The following USP10 variants were observed in gnomAD, a reference collection of about 807,000 sequenced individuals.
USP10 encodes ubiquitin carboxyl-terminal hydrolase 10.
In USP10, 22 loss-of-function variants were observed where a neutral mutation model predicts 84.5. The observed-to-expected ratio is 0.26, with a 90% confidence interval of 0.19 to 0.37. The LOEUF (loss-of-function observed/expected upper bound fraction) is 0.37. USP10 is among the 10% of genes least tolerant of loss of function. The probability of loss-of-function intolerance (pLI) is 1.00; values close to 1 mark genes in which losing one functional copy is unlikely to be tolerated. For synonymous variants in USP10, 454 were observed against 387.6 expected, an observed-to-expected ratio of 1.17 and a Z score of -2.01; for missense variants, 1,019 against 998.9, an observed-to-expected ratio of 1.02 and a Z score of -0.27.
intron 1 of USP10, among the ~76,000 whole-genome samples, chr16:84,727,023 G>A (rs1207240246): frequency 6.6e-6 from 1 of 152,224 alleles, no homozygotes; most frequent in Non-Finnish European, 1.5e-5. Context: ...AGAGTTAGCC[G>A]CAGCAGTGTC....
intron 1 of USP10, among the ~76,000 whole-genome samples, chr16:84,702,179 C>T (rs1246377522): frequency 6.7e-6 from 1 of 149,982 alleles, no homozygotes; most frequent in Non-Finnish European, 1.5e-5. Flanking sequence ...GCCTCAGCCT[C>T]CCAAGTAGCT....
At chr16:84,709,711 G>C (rs1019690811) in intron 1 of USP10, among the ~76,000 whole-genome samples, 1 of 152,116 alleles carries the variant, frequency 6.6e-6, no homozygotes, top group Non-Finnish European at 1.5e-5. Context: ...ACTGAATGTT[G>C]GGCAAAGCTG....
chr16:84,754,700 C>T (rs1242964881), intron 4 of USP10, among the ~76,000 whole-genome samples: 2 of 152,218 alleles, frequency 1.3e-5, no homozygotes, highest in African/African-American at 2.4e-5. Flanking sequence ...CTAAAGGTTT[C>T]TGTCTGACTA....
chr16:84,753,578 A>G lies in USP10; in HGVS notation c.1193-5138A>G, dbSNP rs114103644. ...CAGGTGCGGAGTGATCTGCCGCACA[A>G]TGAATGAAGTGGCAGAGCCAGGGCG... is the stretch of plus-strand genomic sequence containing the variant. On this transcript the variant is annotated intron_variant, in intron 4 of 13. Transcript: ENST00000219473. Among the ~76,000 whole-genome samples, 1,261 of 152,316 alleles carry G rather than the reference A, an allele frequency of 8.3e-3. 12 individuals carry two copies. Among genetic ancestry groups the G allele is most frequent in the African/African-American group, 0.028 (1,169 of 41,568 alleles).
At chr16:84,738,927 C>T (rs1281580014) in intron 2 of USP10, among the ~76,000 whole-genome samples, 1 of 152,208 alleles carries the variant, frequency 6.6e-6, no homozygotes, top group Non-Finnish European at 1.5e-5. Context: ...GCCCTAGGGC[C>T]GTTCCTGCAC....
intron 8 of USP10, 147 bp downstream of exon 8, chr16:84,760,422 T>C (rs564642437): frequency 3.8e-5 from 26 of 678,854 alleles, no homozygotes; most frequent in East Asian, 1.9e-4. Flanking sequence ...TTGGATGATA[T>C]GGTGCACCAA....
intron 10 of USP10, 138 bp downstream of exon 10, chr16:84,764,401 C>A: frequency 8.7e-7 from 1 of 1,153,538 alleles, no homozygotes; most frequent in Non-Finnish European, 1.2e-6. Flanking sequence ...CTGCTCTTCT[C>A]TTGCACTTCC....
intron 4 of USP10, among the ~76,000 whole-genome samples, chr16:84,756,705 A>T (rs144269869): frequency 2.0e-5 from 3 of 152,370 alleles, no homozygotes; most frequent in East Asian, 3.9e-4. Flanking sequence ...TGTTGGAATC[A>T]TGCTGGAGTT....
At chr16:84,732,952 A>G in intron 1 of USP10, 1 of 399,150 alleles carries the variant, frequency 2.5e-6, no homozygotes, top group South Asian at 1.9e-5. Context: ...CTAAGAAGTT[A>G]TATAGATATT....
chr16:84,727,258 A>C (rs566847147), intron 1 of USP10, among the ~76,000 whole-genome samples: 1 of 152,076 alleles, frequency 6.6e-6, no homozygotes, highest in Non-Finnish European at 1.5e-5. Context: ...TTCCCTCTTC[A>C]CTAGGTTGTA....
intron 12 of USP10, among the ~76,000 whole-genome samples, chr16:84,773,207 C>A (rs141861546): frequency 6.6e-6 from 1 of 152,310 alleles, no homozygotes; most frequent in Admixed American, 6.5e-5. Context: ...TTAAAGGCAT[C>A]TTGCTAAAAG....
At chr16:84,733,023 A>G (rs2150799939) in intron 1 of USP10, 3 of 443,756 alleles carry the variant, frequency 6.8e-6, no homozygotes, top group Admixed American at 5.2e-5. Flanking sequence ...TTGTCTTCCC[A>G]TTTGAACCAC....
At chr16:84,705,065 G>T (rs1274385502) in intron 1 of USP10, among the ~76,000 whole-genome samples, 1 of 152,168 alleles carries the variant, frequency 6.6e-6, no homozygotes, top group Non-Finnish European at 1.5e-5. Context: ...AGCCTTATCG[G>T]TTGTCATTCT....
At chr16:84,713,476 G>A (rs139942611) in intron 1 of USP10, among the ~76,000 whole-genome samples, 34 of 152,164 alleles carry the variant, frequency 2.2e-4, no homozygotes, top group African/African-American at 7.5e-4. Context: ...CTATCCTGAC[G>A]TGTGTGTCTG....
Position 84,702,436 on chromosome 16 carries a change from C to T in USP10, c.21+2325C>T, listed in dbSNP as rs58253726. ...AATCATGTATGACAGGATTTAGTTACTGGTTCCTGCTCCAGTCATTCTGAG... is the reference window on the plus strand; with the variant it reads ...AATCATGTATGACAGGATTTAGTTATTGGTTCCTGCTCCAGTCATTCTGAG... On this transcript the variant is annotated intron_variant, in intron 1 of 13. Coordinates refer to ENST00000219473, the MANE Select transcript of USP10 (RefSeq NM_005153.3). Among the ~76,000 whole-genome samples, 1,277 of 152,254 alleles carry T rather than the reference C, an allele frequency of 8.4e-3. 11 individuals carry two copies. Among genetic ancestry groups the T allele is most frequent in the African/African-American group, 0.029 (1,198 of 41,542 alleles).
chr16:84,724,503 G>A (rs963318968), intron 1 of USP10, among the ~76,000 whole-genome samples: 3 of 152,194 alleles, frequency 2.0e-5, no homozygotes, highest in African/African-American at 7.2e-5. Context: ...GAGAGAGGCT[G>A]CCTGTGAGAG....
intron 12 of USP10, among the ~76,000 whole-genome samples, chr16:84,774,929 C>T (rs998092538): frequency 4.6e-5 from 7 of 152,214 alleles, no homozygotes; most frequent in African/African-American, 1.4e-4. Context: ...CAGCCTCGGC[C>T]GTTGCTCCTG....
At chr16:84,750,421 A>AAT (rs1555544950) in intron 4 of USP10, among the ~76,000 whole-genome samples, 11 of 150,100 alleles carry the variant, frequency 7.3e-5, no homozygotes, top group Admixed American at 7.3e-4. Flanking sequence ...AAAAAAAAAA[A>AAT]CCCAAAACTT....
intron 10 of USP10, 129 bp downstream of exon 10, chr16:84,764,392 T>C: frequency 7.9e-7 from 1 of 1,259,924 alleles, no homozygotes; most frequent in Non-Finnish European, 1.1e-6. Flanking sequence ...CTCCCCTGCC[T>C]GCTCTTCTCT....
Sources: gnomAD v4.1 joint callset for allele counts (sites outside exome capture counted in the v4.1 genomes callset) on GRCh38, gnomAD v4.1.1 for gene constraint, MANE v1.5 for transcripts, NCBI Gene and HGNC (gene_info 2026-07-23, HGNC 2026-07-21) for gene names.